Variants in TRANK1 observed in about 807,000 individuals in gnomAD.
TRANK1 encodes tetratricopeptide repeat and ankyrin repeat containing 1.
In TRANK1, 198 loss-of-function variants were observed where a neutral mutation model predicts 266.0. The ratio of observed to expected loss-of-function variants is 0.74; its 90% CI spans 0.66 to 0.84. TRANK1 has a LOEUF of 0.84. Among genes scored for constraint, TRANK1 ranks in the 40% least tolerant of loss-of-function variants. The pLI, the probability that TRANK1 is intolerant of heterozygous loss-of-function variation, is 0.00. For missense variants in TRANK1, 3,326 were observed against 3,634.6 expected (o/e 0.92, Z 2.18); for synonymous variants, 1,396 against 1,384.1 (o/e 1.01, Z -0.19).
Position 36,858,064 on chromosome 3 carries a change from C to G in TRANK1, c.1673-15G>C, listed in dbSNP as rs774423505. On this transcript the variant is annotated splice_polypyrimidine_tract_variant and intron_variant, in intron 12 of 23. Coordinates refer to ENST00000645898, the MANE Select transcript of TRANK1 (RefSeq NM_001329998.2). ...ACCAATGTCAGCTGAAAGACACAAA[C>G]AAAACCCTGTGAGCACTGAGCCACT... The G allele has an allele frequency of 3.3e-6, 5 of 1,510,108 alleles. No individual in the cohort carries two copies. The South Asian group carries it at 6.5e-5, about 20-fold the overall frequency. The allele number at this position is 1,510,108 out of a possible 1,614,324, so 93.5% of individuals were successfully genotyped here.
intron 8 of TRANK1, among the ~76,000 whole-genome samples, chr3:36,887,397 T>G (rs1474607046): frequency 6.6e-6 from 1 of 152,230 alleles, no homozygotes; most frequent in Non-Finnish European, 1.5e-5. Context: ...TTATCTATGA[T>G]GAGGTTTCTT....
chr3:36,840,746 C>A (rs2078833039), intron 18 of TRANK1, among the ~76,000 whole-genome samples: 1 of 152,212 alleles, frequency 6.6e-6, no homozygotes, highest in Non-Finnish European at 1.5e-5. Flanking sequence ...ACCCCTGTCC[C>A]CCCGGTCCCC....
chr3:36,856,676 G>C lies in TRANK1; in HGVS notation c.3046C>G (p.Pro1016Ala). ...TATTCTGTCTCCACTGCACTGGCTG[G>C]GGGAAAGTACTCAGGATTGACATGC... ...REHVNPEYFP[P>A]ASAVETEYNI... The change falls in exon 13 of 24, where the codon CCA becomes GCA. Residue 1016 changes from proline to alanine, a missense_variant. By Grantham distance (27) the Pro-to-Ala change is conservative. Coordinates refer to ENST00000645898, the MANE Select transcript of TRANK1 (RefSeq NM_001329998.2). The C allele has an allele frequency of 6.2e-7, 1 of 1,614,020 alleles. No individual in the cohort carries two copies. The highest frequency in any genetic ancestry group is 8.5e-7 in the Non-Finnish European group (1 of 1,179,894).
At chr3:36,897,603 A>G (rs4528889) in intron 4 of TRANK1, among the ~76,000 whole-genome samples, 23,591 of 152,272 alleles carry the variant, frequency 0.15, 2,377 homozygotes, top group East Asian at 0.29. Context: ...GATTGATAAC[A>G]GTCTATCCAT....
chr3:36,905,864 A>G (rs1268171002), intron 2 of TRANK1, among the ~76,000 whole-genome samples: 1 of 152,132 alleles, frequency 6.6e-6, no homozygotes, highest in African/African-American at 2.4e-5. Flanking sequence ...GTACGCTGTA[A>G]ATCACATGCA....
intron 17 of TRANK1, among the ~76,000 whole-genome samples, chr3:36,845,250 C>T (rs1021068934): frequency 2.0e-5 from 3 of 152,046 alleles, no homozygotes; most frequent in Non-Finnish European, 4.4e-5. Context: ...CTATTTAAAC[C>T]CTTGTTACCC....
intron 16 of TRANK1, 142 bp from the exon 17 acceptor site, chr3:36,846,546 C>A: frequency 1.3e-6 from 1 of 753,196 alleles, no homozygotes; most frequent in Non-Finnish European, 2.1e-6. Context: ...AACAGGATAC[C>A]AGGAGCTCAC....
chr3:36,878,708 T>A (rs1193690478), intron 8 of TRANK1, among the ~76,000 whole-genome samples: 1 of 149,578 alleles, frequency 6.7e-6, no homozygotes, highest in African/African-American at 2.5e-5. Context: ...ACAAAACCCC[T>A]ATGACATGCA....
At chr3:36,907,146 ATATAT>A (rs2079980747) in intron 2 of TRANK1, among the ~76,000 whole-genome samples, 2 of 152,074 alleles carry the variant, frequency 1.3e-5, no homozygotes, top group South Asian at 4.1e-4. Flanking sequence ...AGATTTACTG[ATATAT>A]TTATTTATTT....
At chr3:36,835,197 T>C (rs1304265310) in intron 20 of TRANK1, among the ~76,000 whole-genome samples, 2 of 150,248 alleles carry the variant, frequency 1.3e-5, no homozygotes, top group Non-Finnish European at 3.0e-5. Flanking sequence ...CGGGCGCCTG[T>C]AGTCCCAGCT....
intron 9 of TRANK1, among the ~76,000 whole-genome samples, chr3:36,866,960 T>C (rs1224541813): frequency 6.6e-6 from 1 of 152,118 alleles, no homozygotes; most frequent in African/African-American, 2.4e-5. Flanking sequence ...CCCACTCTAA[T>C]CAAGAGACGT....
In TRANK1 at chr3:36,857,621, T is replaced by C; in HGVS notation, c.2101A>G (p.Ser701Gly). 1 of 1,614,036 alleles carries C rather than the reference T, an allele frequency of 6.2e-7. No homozygotes were observed. The highest frequency in any genetic ancestry group is 8.5e-7 in the Non-Finnish European group (1 of 1,179,888). The change falls in exon 13 of 24, where the codon AGT becomes GGT. Residue 701 changes from serine to glycine, a missense_variant. Coordinates refer to ENST00000645898, the MANE Select transcript of TRANK1 (RefSeq NM_001329998.2). The surrounding 1 kb of genome is among the most constrained non-coding windows in gnomAD (Gnocchi z 4.3). ...GTCTCCCAGCTGTCAGGGACTGCAC[T>C]TCCTTCAGGCAGTGTTCTGGCAGTG... ...GATARTLPEG[S>G]AVPDSWETLP... is the part of the protein sequence containing the mutation.
At chr3:36,862,817 TG>T (rs2079159611) in intron 10 of TRANK1, among the ~76,000 whole-genome samples, 1 of 152,160 alleles carries the variant, frequency 6.6e-6, no homozygotes, top group African/African-American at 2.4e-5. Context: ...AGTTGAAAGA[TG>T]GGAGACAATG....
At chr3:36,841,199 A>G (rs896377128) in intron 18 of TRANK1, among the ~76,000 whole-genome samples, 4 of 152,230 alleles carry the variant, frequency 2.6e-5, no homozygotes, top group African/African-American at 9.6e-5. Context: ...TTAGAGAAGC[A>G]GGACAAGCCC....
chr3:36,914,300 A>AT (rs1278326874), intron 1 of TRANK1, among the ~76,000 whole-genome samples: 42 of 151,794 alleles, frequency 2.8e-4, no homozygotes, highest in African/African-American at 1.0e-3. Context: ...TGCCAGGCTA[A>AT]TTTTTGTATT....
At position 36,832,848 on chromosome 3, in the gene TRANK1, G is replaced by A; in HGVS notation, c.6735C>T (p.Ile2245=). 2 of 1,613,962 alleles carry A rather than the reference G, an allele frequency of 1.2e-6. No homozygotes were observed. Among genetic ancestry groups the A allele is most frequent in the Non-Finnish European group, 1.7e-6 (2 of 1,179,882 alleles). The change falls in exon 22 of 24, where the codon ATC becomes ATT. Residue 2245 remains isoleucine, a synonymous_variant. Coordinates refer to ENST00000645898, the MANE Select transcript of TRANK1 (RefSeq NM_001329998.2). ...CAATTTCTTTAAGTTCTTCTGCTAA[G>A]ATTTTAGGGAATACTTTTTTGGCTT... ...LLEAKKVFPK[I]LAEELKEIDY...
chr3:36,893,601 CAG>C (rs1484429376), intron 5 of TRANK1, among the ~76,000 whole-genome samples: 1 of 152,184 alleles, frequency 6.6e-6, no homozygotes, highest in Non-Finnish European at 1.5e-5. Context: ...TTCAGAGACC[CAG>C]TTGTTAAACT....
At position 36,838,710 on chromosome 3, in the gene TRANK1, C is replaced by T. The variant is rs746396314; in HGVS notation, c.5287G>A (p.Ala1763Thr). The T allele has an allele frequency of 1.9e-5, 31 of 1,613,308 alleles. No individual in the cohort carries two copies. Among genetic ancestry groups the T allele is most frequent in the Non-Finnish European group, 2.6e-5 (31 of 1,179,620 alleles). ...YAKHQCWKVA[A>T]KCYQKGGAFE... ...GCACCTCCTTTCTGGTAACACTTGG[C>T]TGCAACCTGGAATAGGCAAAAAGTT... is the stretch of plus-strand genomic sequence containing the variant. Residue 1763 changes from alanine (A) to threonine (T), a missense_variant, in exon 19 of 24, where the codon GCC becomes ACC. By Grantham distance (58) the Ala-to-Thr change is moderately conservative. Coordinates refer to ENST00000645898, the MANE Select transcript of TRANK1 (RefSeq NM_001329998.2).
At chr3:36,858,944 C>CGCCTG in intron 11 of TRANK1, 50 bp from the exon 12 acceptor site, 1 of 1,461,814 alleles carries the variant, frequency 6.8e-7, no homozygotes, top group Non-Finnish European at 9.0e-7. Flanking sequence ...CAGCCTGGCT[C>CGCCTG]GCCTGACGAG....
Sources: gnomAD v4.1 joint callset for allele counts (sites outside exome capture counted in the v4.1 genomes callset) on GRCh38, gnomAD v4.1.1 for gene constraint, Gnocchi (gnomAD v3.1) non-coding constraint, MANE v1.5 for transcripts, NCBI Gene and HGNC (gene_info 2026-07-23, HGNC 2026-07-21) for gene names.